RETREG1: variants seen among roughly 807,000 people sequenced by gnomAD.
The protein encoded by RETREG1 is family with sequence similarity 134 member B.
In RETREG1, 44 loss-of-function variants were observed where a neutral mutation model predicts 54.8. The ratio of observed to expected loss-of-function variants is 0.80; its 90% confidence interval spans 0.63 to 1.03. RETREG1 has a LOEUF of 1.03. RETREG1 is among the 50% of genes least tolerant of loss of function. The pLI, the probability that RETREG1 is intolerant of heterozygous loss-of-function variation, is 0.00. For synonymous variants in RETREG1, 217 were observed against 238.5 expected, an observed-to-expected ratio of 0.91 and a Z score of 0.83; for missense variants, 554 against 605.1, an observed-to-expected ratio of 0.92 and a Z score of 0.89.
intron 3 of RETREG1, among the ~76,000 whole-genome samples, chr5:16,515,895 G>A (rs1322276694): frequency 6.6e-6 from 1 of 152,112 alleles, no homozygotes; most frequent in Non-Finnish European, 1.5e-5. Flanking sequence ...ACACATTTGA[G>A]GCTATTCAGA....
chr5:16,611,154 C>A (rs1231108468), intron 1 of RETREG1, among the ~76,000 whole-genome samples: 1 of 151,938 alleles, frequency 6.6e-6, no homozygotes, highest in Non-Finnish European at 1.5e-5. Context: ...ATCACAAGGA[C>A]AAAAAAACCA....
chr5:16,474,207 T>C lies in RETREG1; in HGVS notation c.*534A>G, dbSNP rs371469726. Reference sequence around the variant, plus strand: ...TTTAAATTTTTTCCTAAGAAATTAATTTTGATAGTATTTCCCAAGTCCTTC... The same window carrying C: ...TTTAAATTTTTTCCTAAGAAATTAACTTTGATAGTATTTCCCAAGTCCTTC... On this transcript the variant is annotated 3_prime_UTR_variant, in exon 9 of 9. Transcript: ENST00000306320. 2 of 156,258 alleles carry C rather than the reference T, an allele frequency of 1.3e-5. No individual in the cohort carries two copies. The highest frequency in any genetic ancestry group is 1.9e-4 in the East Asian group (1 of 5,292). The allele number at this position is 156,258 out of a possible 1,614,324, so 9.7% of individuals were successfully genotyped here. A position where few individuals can be genotyped will look rare whatever the true frequency, so the allele number is the denominator to read the frequency against.
chr5:16,504,292 T>A (rs1290997296), intron 3 of RETREG1, among the ~76,000 whole-genome samples: 1 of 152,230 alleles, frequency 6.6e-6, no homozygotes, highest in Non-Finnish European at 1.5e-5. Context: ...ATTTTCTTTA[T>A]CCAGTCTATC....
At chr5:16,569,905 T>G (rs1251041543) in intron 2 of RETREG1, among the ~76,000 whole-genome samples, 1 of 152,204 alleles carries the variant, frequency 6.6e-6, no homozygotes, top group Non-Finnish European at 1.5e-5. Flanking sequence ...GAAAACAGAT[T>G]GCAGTGATGC....
At chr5:16,478,773 G>T in intron 6 of RETREG1, 77 bp downstream of exon 6, 1 of 1,334,648 alleles carries the variant, frequency 7.5e-7, no homozygotes, top group Non-Finnish European at 1.1e-6. Context: ...ATCCTCAAAT[G>T]TATTAAAGAA....
At position 16,609,545 on chromosome 5, in the gene RETREG1, G is replaced by A. The variant is rs559713161; in HGVS notation, c.320+7107C>T. Among the ~76,000 whole-genome samples, 67 of 152,250 alleles carry A rather than the reference G, an allele frequency of 4.4e-4. No individual in the cohort carries two copies. In the South Asian group the frequency reaches 0.013, roughly 30 times the overall value. On this transcript the variant is annotated intron_variant, in intron 1 of 8. Coordinates refer to ENST00000306320, the MANE Select transcript of RETREG1 (RefSeq NM_001034850.3). Reference sequence around the variant, plus strand: ...TCTCAGGCTGTGAGGCTAGAAGGACGCCATCCAGGAGGAAGGGAGAGAGTA... The same window carrying A: ...TCTCAGGCTGTGAGGCTAGAAGGACACCATCCAGGAGGAAGGGAGAGAGTA...
At chr5:16,484,601 T>A (rs559872179) in intron 3 of RETREG1, among the ~76,000 whole-genome samples, 1 of 152,320 alleles carries the variant, frequency 6.6e-6, no homozygotes, top group African/African-American at 2.4e-5. Flanking sequence ...TGCCCTTAGA[T>A]GCTCAACTAT....
At chr5:16,590,001 C>T (rs987772590) in intron 1 of RETREG1, among the ~76,000 whole-genome samples, 1 of 152,146 alleles carries the variant, frequency 6.6e-6, no homozygotes, top group Admixed American at 6.5e-5. Flanking sequence ...AAGAGGATGT[C>T]CATGCTCATG....
chr5:16,475,399 CT>C (rs530016970), intron 8 of RETREG1, among the ~76,000 whole-genome samples, 165 bp from the exon 9 acceptor site: 130 of 152,268 alleles, frequency 8.5e-4, no homozygotes, highest in Admixed American at 2.2e-3. Context: ...TGAACTCCTC[CT>C]AATCCTGCAA....
rs1289521745 is a variant in RETREG1, at chr5:16,583,169, C to A, written c.321-11067G>T. Among the ~76,000 whole-genome samples, 6 of 152,120 alleles carry A rather than the reference C, an allele frequency of 3.9e-5. No homozygotes were observed. The South Asian group carries it at 1.2e-3, about 32-fold the overall frequency. ...TCGAGTGACCTTCTGTTGACCTGCA[C>A]TCAGTGGCTAACTACAAAAAATATT... On this transcript the variant is annotated intron_variant, in intron 1 of 8. Transcript: ENST00000306320.
chr5:16,546,312 C>T (rs766766641), intron 3 of RETREG1, among the ~76,000 whole-genome samples: 8 of 152,146 alleles, frequency 5.3e-5, no homozygotes, highest in South Asian at 2.1e-4. Context: ...GAACCACAGG[C>T]GGTGTACCAC....
intron 3 of RETREG1, among the ~76,000 whole-genome samples, chr5:16,498,604 C>G (rs1032054895): frequency 2.6e-5 from 4 of 152,036 alleles, no homozygotes; most frequent in African/African-American, 9.7e-5. Flanking sequence ...TGCAGCTACT[C>G]AGGGGGCTGA....
chr5:16,615,702 T>C (rs1743485464), intron 1 of RETREG1, among the ~76,000 whole-genome samples: 1 of 152,152 alleles, frequency 6.6e-6, no homozygotes, highest in Non-Finnish European at 1.5e-5. Context: ...GAGGAAAATA[T>C]TCATCTTGCT....
Position 16,610,909 on chromosome 5 carries a change from T to G in RETREG1, c.320+5743A>C, listed in dbSNP as rs1255764240. ...GACCCAGCCATCCCATTACTGGGTATATACCCAAAGGACTATAAATCATGC... is the reference window on the plus strand; with the variant it reads ...GACCCAGCCATCCCATTACTGGGTAGATACCCAAAGGACTATAAATCATGC... On this transcript the variant is annotated intron_variant, in intron 1 of 8. Coordinates refer to ENST00000306320, the MANE Select transcript of RETREG1 (RefSeq NM_001034850.3). Among the ~76,000 whole-genome samples, 11 of 152,308 alleles carry G rather than the reference T, an allele frequency of 7.2e-5. No homozygotes were observed. The East Asian group carries it at 1.5e-3, about 21-fold the overall frequency.
intron 3 of RETREG1, among the ~76,000 whole-genome samples, chr5:16,496,298 A>G (rs1482651637): frequency 6.6e-6 from 1 of 152,246 alleles, no homozygotes. Flanking sequence ...AGCAGAGCAT[A>G]GAAGTCCCAG....
At chr5:16,596,337 C>T (rs1317484626) in intron 1 of RETREG1, among the ~76,000 whole-genome samples, 1 of 152,326 alleles carries the variant, frequency 6.6e-6, no homozygotes, top group East Asian at 1.9e-4. Flanking sequence ...CAATATGATT[C>T]TTTTGCTGAA....
intron 1 of RETREG1, among the ~76,000 whole-genome samples, chr5:16,575,715 C>T (rs909374614): frequency 4.6e-5 from 7 of 152,180 alleles, no homozygotes; most frequent in Non-Finnish European, 7.3e-5. Context: ...CGAGAATCCT[C>T]GGTCCACTGA....
At chr5:16,500,128 C>A (rs1363771999) in intron 3 of RETREG1, among the ~76,000 whole-genome samples, 1 of 152,312 alleles carries the variant, frequency 6.6e-6, no homozygotes, top group East Asian at 1.9e-4. Flanking sequence ...GTGAGCTTGT[C>A]CATACGAAGT....
chr5:16,510,818 C>CAAAAAAA (rs57713373), intron 3 of RETREG1, among the ~76,000 whole-genome samples: 4 of 75,668 alleles, frequency 5.3e-5, no homozygotes, highest in African/African-American at 5.7e-5. Flanking sequence ...ACAACAACAA[C>CAAAAAAA]AAAAAAAAAA....
Sources: gnomAD v4.1 joint callset for allele counts (sites outside exome capture counted in the v4.1 genomes callset) on GRCh38, gnomAD v4.1.1 for gene constraint, MANE v1.5 for transcripts, NCBI Gene and HGNC (gene_info 2026-07-23, HGNC 2026-07-21) for gene names.